Variants in RUBCNL observed in about 807,000 individuals in gnomAD.
The protein encoded by RUBCNL is rubicon like autophagy enhancer.
RUBCNL carries 62 observed loss-of-function variants against 69.5 expected under a neutral mutation model. The observed-to-expected ratio is 0.89, with a 90% CI of 0.73 to 1.10. RUBCNL has a LOEUF of 1.10. Ranked by LOEUF, RUBCNL falls within the 50% of genes least tolerant of loss-of-function variation. RUBCNL has a pLI of 0.00. For synonymous variants in RUBCNL, 291 were observed against 303.6 expected (o/e 0.96, Z 0.43); for missense variants, 768 against 798.1 (o/e 0.96, Z 0.45).
At position 46,362,923 on chromosome 13, in the gene RUBCNL, C is replaced by CATATATATATAT. The variant is rs770827606; in HGVS notation, c.925+180_925+191dup. On this transcript the variant is annotated intron_variant, in intron 6 of 14. Transcript: ENST00000429979. ...ATCCAGACATTTGAAACAAGAACAT[C>CATATATATATAT]ATATATATATATATAGATATATATA... 1.6e-3 allele frequency among the ~76,000 whole-genome samples: 140 copies of CATATATATATAT among 88,010 alleles called. 22 individuals are homozygous for CATATATATATAT. The highest frequency in any genetic ancestry group is 2.4e-3 in the African/African-American group (51 of 21,216). The allele number at this position is 88,010 out of a possible 152,430, so 57.7% of individuals were successfully genotyped here.
At chr13:46,386,902 G>A (rs1277722837) in intron 1 of RUBCNL, among the ~76,000 whole-genome samples, 2 of 152,146 alleles carry the variant, frequency 1.3e-5, no homozygotes, top group East Asian at 1.9e-4. Context: ...ACTCTACAAA[G>A]TCAACCGGAT....
At chr13:46,355,148 C>T (rs1017625319) in intron 10 of RUBCNL, among the ~76,000 whole-genome samples, 4 of 152,098 alleles carry the variant, frequency 2.6e-5, no homozygotes, top group African/African-American at 7.2e-5. Flanking sequence ...CTTCAAAAAC[C>T]GACTATCAAA....
intron 14 of RUBCNL, 111 bp from the exon 15 acceptor site, chr13:46,343,608 G>C (rs2048180564): frequency 1.7e-6 from 2 of 1,145,902 alleles, no homozygotes; most frequent in East Asian, 2.6e-5. Context: ...CCAGAGCCCA[G>C]AGTCTTCTAA....
At chr13:46,353,109 C>T (rs1012065488) in intron 10 of RUBCNL, among the ~76,000 whole-genome samples, 3 of 152,210 alleles carry the variant, frequency 2.0e-5, no homozygotes, top group Admixed American at 6.5e-5. Context: ...ACTCCTCCTC[C>T]GCTGCATTCG....
At position 46,387,165 on chromosome 13, in the gene RUBCNL, T is replaced by C. The variant is rs45593739; in HGVS notation, c.-270A>G. ...AAACCCGAGCGGTGGAACGCTGCGC[T>C]GGGTAAACGCCGCGCGTCGGGTCCT... On this transcript the variant is annotated 5_prime_UTR_variant, in exon 1 of 15. Coordinates refer to ENST00000429979, the MANE Select transcript of RUBCNL (RefSeq NM_025113.5). 0.14 allele frequency: 133,904 copies of C among 984,926 alleles called. 9,563 individuals are homozygous for C. Among genetic ancestry groups the C allele is most frequent in the Non-Finnish European group, 0.15 (121,304 of 829,728 alleles). The allele number at this position is 984,926 out of a possible 1,614,324, so 61.0% of individuals were successfully genotyped here.
chr13:46,340,895 C>T lies in RUBCNL; in HGVS notation c.*2490G>A, dbSNP rs149698407. Among the ~76,000 whole-genome samples the T allele has an allele frequency of 6.6e-6, 1 of 152,178 alleles. No homozygotes were observed. Among genetic ancestry groups the T allele is most frequent in the East Asian group, 1.9e-4 (1 of 5,188 alleles). ...CATGACCCAAACACCTCTTATTAGGCCTACCTTCAACACTGGGGATCAAAT... is the reference window on the plus strand; with the variant it reads ...CATGACCCAAACACCTCTTATTAGGTCTACCTTCAACACTGGGGATCAAAT... On this transcript the variant is annotated 3_prime_UTR_variant, in exon 15 of 15. Transcript: ENST00000429979.
intron 1 of RUBCNL, 70 bp from the exon 2 acceptor site, chr13:46,378,075 G>A: frequency 1.3e-6 from 1 of 765,272 alleles, no homozygotes; most frequent in Non-Finnish European, 2.1e-6. Flanking sequence ...TTGCCATATT[G>A]TTTGTAGTGT....
Position 46,342,491 on chromosome 13 carries a change from A to G in RUBCNL, c.*894T>C, listed in dbSNP as rs953425228. On this transcript the variant is annotated 3_prime_UTR_variant, in exon 15 of 15. Coordinates refer to ENST00000429979, the MANE Select transcript of RUBCNL (RefSeq NM_025113.5). ...AAACATATAAGAACTATTAGAAAAA[A>G]GAAATTCATAAAGGTTTTGTGATTC... The G allele has an allele frequency of 5.3e-5, 8 of 152,240 alleles. No individual in the cohort carries two copies. Among genetic ancestry groups the G allele is most frequent in the Non-Finnish European group, 7.3e-5 (5 of 68,040 alleles). The allele number at this position is 152,240 out of a possible 1,614,324, so 9.4% of individuals were successfully genotyped here.
intron 14 of RUBCNL, among the ~76,000 whole-genome samples, chr13:46,344,329 CA>C (rs1227457457): frequency 2.6e-5 from 4 of 152,170 alleles, no homozygotes; most frequent in African/African-American, 9.7e-5. Flanking sequence ...TGTAAAGAGC[CA>C]GATAGCAAAT....
chr13:46,350,203 CA>C lies in RUBCNL; in HGVS notation c.1478del (p.Leu493ArgfsTer14). 2 of 1,592,904 alleles carry C rather than the reference CA, an allele frequency of 1.3e-6. No homozygotes were observed. Among genetic ancestry groups the C allele is most frequent in the Non-Finnish European group, 1.7e-6 (2 of 1,169,378 alleles). ...TGGGCTGGTGCCATATGCTGTCGAGCAGCTGTTTGGAGAAATTGCTGACGTA... is the reference window on the plus strand; with the variant it reads ...TGGGCTGGTGCCATATGCTGTCGAGCGCTGTTTGGAGAAATTGCTGACGTA... ...KYYVSNFSKQ[L>X]LDSIWHQPIF... On this transcript the variant is annotated frameshift_variant, in exon 11 of 15. Coordinates refer to ENST00000429979, the MANE Select transcript of RUBCNL (RefSeq NM_025113.5). LOFTEE classifies it high-confidence loss of function.
chr13:46,372,710 T>C, intron 2 of RUBCNL, 113 bp from the exon 3 acceptor site: 2 of 891,094 alleles, frequency 2.2e-6, no homozygotes, highest in East Asian at 3.0e-5. Context: ...CTTGGCTCTA[T>C]CCAACATAGT....
rs1221639914 is a variant in RUBCNL at position 46,345,579 on chromosome 13, C to T, written c.1653G>A (p.Gln551=). 6.2e-7 allele frequency: 1 copy of T among 1,613,712 alleles called. No individual in the cohort carries two copies. Among genetic ancestry groups the T allele is most frequent in the Admixed American group, 1.7e-5 (1 of 60,004 alleles). Residue 551 remains glutamine (Q), a synonymous_variant, in exon 13 of 15, where the codon CAG becomes CAA. Transcript: ENST00000429979. ...FANSALKEFE[Q]VPGHLTDELH... is the part of the protein sequence containing the mutation. The stretch of plus-strand genomic sequence containing the variant: ...GCTCATCAGTCAAGTGTCCCGGCAC[C>T]TGCTCGAACTCCTTTAATGCACTGC...
At chr13:46,383,413 A>G (rs971358073) in intron 1 of RUBCNL, among the ~76,000 whole-genome samples, 12 of 152,208 alleles carry the variant, frequency 7.9e-5, no homozygotes, top group Non-Finnish European at 1.5e-4. Flanking sequence ...GTACTGCCCC[A>G]TAGCCTTCTC....
chr13:46,377,081 T>C (rs757899710), intron 2 of RUBCNL, among the ~76,000 whole-genome samples: 7 of 152,222 alleles, frequency 4.6e-5, no homozygotes, highest in Non-Finnish European at 7.3e-5. Flanking sequence ...TCTGAGTCCA[T>C]AGTTCATGAT....
At chr13:46,344,957 A>C (rs259738) in intron 13 of RUBCNL, 126 bp from the exon 14 acceptor site, 4 of 643,064 alleles carry the variant, frequency 6.2e-6, no homozygotes, top group African/African-American at 6.0e-5. Context: ...AAGGAAAAGG[A>C]TGTTGTTTTG....
chr13:46,387,072 TC>T, intron 1 of RUBCNL, 61 bp downstream of exon 1: 1 of 984,226 alleles, frequency 1.0e-6, no homozygotes, highest in Non-Finnish European at 1.2e-6. Context: ...CCCTTCCCTT[TC>T]TCCAACCACC....
intron 1 of RUBCNL, among the ~76,000 whole-genome samples, chr13:46,386,197 T>C (rs983703317): frequency 1.3e-5 from 2 of 151,960 alleles, no homozygotes; most frequent in African/African-American, 4.8e-5. Flanking sequence ...CACAGTGGGG[T>C]ATGGCTGGAG....
At chr13:46,384,607 T>C (rs1424266344) in intron 1 of RUBCNL, among the ~76,000 whole-genome samples, 1 of 152,226 alleles carries the variant, frequency 6.6e-6, no homozygotes, top group Non-Finnish European at 1.5e-5. Context: ...TTACTTCTTT[T>C]AATAAATATA....
At position 46,335,237 on chromosome 13, in the gene RUBCNL, G is replaced by GT. The variant is rs758818280; in HGVS notation, c.*8147dup. On this transcript the variant is annotated 3_prime_UTR_variant, in exon 15 of 15. Transcript: ENST00000429979. ...ACACCATTGTGCCCAGCTAATTTGT[G>GT]TCTTTTTGTTGTTGTTGTTGTTGTT... 1.7e-3 allele frequency among the ~76,000 whole-genome samples: 204 copies of GT among 117,428 alleles called. 2 individuals carry two copies. The highest frequency in any genetic ancestry group is 4.8e-3 in the African/African-American group (136 of 28,072). 77.0% of individuals were successfully genotyped at this position (117,428 alleles called of 152,430 possible). A position where few individuals can be genotyped will look rare whatever the true frequency, so the allele number is the denominator to read the frequency against.
Sources: gnomAD v4.1 joint callset for allele counts (sites outside exome capture counted in the v4.1 genomes callset) on GRCh38, gnomAD v4.1.1 for gene constraint, MANE v1.5 for transcripts, NCBI Gene and HGNC (gene_info 2026-07-23, HGNC 2026-07-21) for gene names.